CCT3: variants seen among roughly 807,000 people sequenced by gnomAD.
CCT3 encodes T-complex protein 1 subunit gamma.
Under a neutral mutation model 65.3 loss-of-function variants are expected in CCT3, and 10 were observed. The observed-to-expected ratio is 0.15, with a 90% confidence interval of 0.09 to 0.26. The LOEUF is 0.26. CCT3 is among the 10% of genes least tolerant of loss of function. CCT3 has a pLI of 1.00. For synonymous variants in CCT3, 225 were observed against 242.3 expected, an observed-to-expected ratio of 0.93 and a Z score of 0.66; for missense variants, 626 against 708.7, an observed-to-expected ratio of 0.88 and a Z score of 1.33.
chr1:156,338,069 G>T (rs1237398559), intron 1 of CCT3, 85 bp downstream of exon 1: 3 of 1,455,100 alleles, frequency 2.1e-6, no homozygotes, highest in South Asian at 1.2e-5. Context: ...CCCGGTCAGT[G>T]GGGGACGGAG....
intron 1 of CCT3, among the ~76,000 whole-genome samples, 183 bp downstream of exon 1, chr1:156,337,967 AGTTT>A (rs1170630640): frequency 2.0e-5 from 3 of 152,286 alleles, no homozygotes; most frequent in Middle Eastern, 3.4e-3. Context: ...GGCCAGTTTG[AGTTT>A]GTGCAGAGAA....
chr1:156,328,876 AAT>A (rs1045040711), intron 5 of CCT3, among the ~76,000 whole-genome samples: 15 of 151,594 alleles, frequency 9.9e-5, no homozygotes, highest in African/African-American at 3.7e-4. Flanking sequence ...AAAAAAAAAA[AAT>A]GTACATGTTA....
intron 4 of CCT3, among the ~76,000 whole-genome samples, chr1:156,334,239 CAAAAAA>C (rs34500374): frequency 8.4e-6 from 1 of 118,432 alleles, no homozygotes; most frequent in African/African-American, 3.0e-5. Context: ...GACTCCGTCT[CAAAAAA>C]AAAAAAAAAA....
Position 156,335,228 on chromosome 1 carries a change from G to C in CCT3, c.94-310C>G, listed in dbSNP as rs73008697. 2,095 of 292,486 alleles carry C rather than the reference G, an allele frequency of 7.2e-3. 40 individuals carry two copies. Among genetic ancestry groups the C allele is most frequent in the African/African-American group, 0.044 (1,997 of 45,674 alleles). 18.1% of individuals were successfully genotyped at this position (292,486 alleles called of 1,614,324 possible). On this transcript the variant is annotated intron_variant, in intron 2 of 13. Coordinates refer to ENST00000295688, the MANE Select transcript of CCT3 (RefSeq NM_005998.5). Reference sequence around the variant, plus strand: ...ATGGTTAGCCATCACTTTAGACATAGCATGCCACTTTAGATATAGGATGTG... The same window carrying C: ...ATGGTTAGCCATCACTTTAGACATACCATGCCACTTTAGATATAGGATGTG...
chr1:156,317,362 C>T, intron 9 of CCT3, 53 bp downstream of exon 9: 3 of 1,600,096 alleles, frequency 1.9e-6, no homozygotes, highest in Non-Finnish European at 2.6e-6. Flanking sequence ...GAAAACAAAT[C>T]ACCCACCCTC....
chr1:156,321,329 A>T (rs1664544917), intron 6 of CCT3, among the ~76,000 whole-genome samples: 1 of 152,174 alleles, frequency 6.6e-6, no homozygotes, highest in East Asian at 1.9e-4. Context: ...AAACTTTTCA[A>T]CTTTTACAAC....
rs766917682 is a variant in CCT3, at chr1:156,317,367, A to G, written c.892+48T>C. 1.9e-6 allele frequency: 3 copies of G among 1,599,606 alleles called. No homozygotes were observed. In the African/African-American group the frequency reaches 4.0e-5, roughly 21 times the overall value. On this transcript the variant is annotated intron_variant, in intron 9 of 13. Transcript: ENST00000295688. The stretch of plus-strand genomic sequence containing the variant: ...CATGAGGGGAGAAAACAAATCACCC[A>G]CCCTCGTCTACCTCAAAGGTAGGCT...
chr1:156,325,264 G>GA (rs1664750221), intron 5 of CCT3, among the ~76,000 whole-genome samples, 175 bp from the exon 6 acceptor site: 1 of 152,136 alleles, frequency 6.6e-6, no homozygotes, highest in Non-Finnish European at 1.5e-5. Flanking sequence ...AATTTATACA[G>GA]AAAACATCCT....
chr1:156,329,125 T>C (rs1248534174), intron 5 of CCT3, among the ~76,000 whole-genome samples: 1 of 152,188 alleles, frequency 6.6e-6, no homozygotes, highest in Non-Finnish European at 1.5e-5. Flanking sequence ...CACTGTATTA[T>C]AACTGTATTC....
intron 7 of CCT3, among the ~76,000 whole-genome samples, chr1:156,319,663 G>T (rs1664467401): frequency 6.6e-6 from 1 of 152,036 alleles, no homozygotes; most frequent in Non-Finnish European, 1.5e-5. Context: ...CTTGAGGCCG[G>T]GAGTTCGAGA....
chr1:156,314,122 G>A (rs1161518858), intron 10 of CCT3, among the ~76,000 whole-genome samples: 1 of 147,272 alleles, frequency 6.8e-6, no homozygotes, highest in Non-Finnish European at 1.5e-5. Context: ...TTATGAAAGA[G>A]AACCCCAACA....
chr1:156,326,304 G>A (rs1664804722), intron 5 of CCT3, among the ~76,000 whole-genome samples: 1 of 151,654 alleles, frequency 6.6e-6, no homozygotes, highest in Admixed American at 6.6e-5. Context: ...ACTCCAGCCT[G>A]GGCAATAGAG....
chr1:156,325,114 T>G, intron 5 of CCT3, 25 bp from the exon 6 acceptor site: 7 of 1,507,268 alleles, frequency 4.6e-6, no homozygotes, highest in Non-Finnish European at 6.4e-6. Context: ...AGCACCATAG[T>G]AATATTTAAA....
chr1:156,316,272 A>G (rs1334123631), intron 10 of CCT3, among the ~76,000 whole-genome samples: 3 of 152,222 alleles, frequency 2.0e-5, no homozygotes, highest in Non-Finnish European at 4.4e-5. Context: ...TATAGGTTAT[A>G]CACAAATACC....
In CCT3 at chr1:156,318,948, G is replaced by C. The variant is rs1664427382; in HGVS notation, c.679C>G (p.Pro227Ala). The C allele has an allele frequency of 1.2e-6, 2 of 1,613,926 alleles. No homozygotes were observed. The highest frequency in any genetic ancestry group is 8.5e-7 in the Non-Finnish European group (1 of 1,179,974). ...GVMINKDVTH[P>A]RMRRYIKNPR... is the part of the protein sequence containing the mutation. ...TTCTTGATATAGCGCCGCATACGTG[G>C]ATGGGTCACATCCTTGTTAATCATG... Residue 227 changes from proline (P) to alanine (A), a missense_variant, in exon 8 of 14, where the codon CCA (proline) becomes GCA (alanine). By Grantham distance (27) the Pro-to-Ala change is conservative (BLOSUM62 -1). Coordinates refer to ENST00000295688, the MANE Select transcript of CCT3 (RefSeq NM_005998.5).
At position 156,321,027 on chromosome 1, in the gene CCT3, TAGAGA is replaced by T. The variant is rs1425882981; in HGVS notation, c.423-7_423-3del. On this transcript the variant is annotated splice_polypyrimidine_tract_variant and splice_region_variant and intron_variant, in intron 6 of 13. Transcript: ENST00000295688. Reference sequence around the variant, plus strand: ...CTGTCACTGATGTCGACTGGGATACTAGAGAAAAGAAAACCAGACGATATGTGAAG... The same window carrying T: ...CTGTCACTGATGTCGACTGGGATACTAAAGAAAACCAGACGATATGTGAAG... 1.9e-6 allele frequency: 3 copies of T among 1,610,806 alleles called. No homozygotes were observed. In the Admixed American group the frequency reaches 5.0e-5, roughly 27 times the overall value.
At chr1:156,324,700 T>C (rs1664726599) in intron 6 of CCT3, among the ~76,000 whole-genome samples, 1 of 152,136 alleles carries the variant, frequency 6.6e-6, no homozygotes, top group African/African-American at 2.4e-5. Flanking sequence ...CCATCTCAGC[T>C]CACTGCAACC....
chr1:156,310,505 G>C, intron 13 of CCT3, 53 bp downstream of exon 13: 9 of 1,335,642 alleles, frequency 6.7e-6, no homozygotes, highest in Non-Finnish European at 9.0e-6. Context: ...TAAATAAATA[G>C]ATAAATAAAT....
intron 5 of CCT3, among the ~76,000 whole-genome samples, chr1:156,328,597 C>A (rs929182084): frequency 7.6e-4 from 116 of 151,894 alleles, no homozygotes; most frequent in African/African-American, 2.6e-3. Flanking sequence ...TGTGTCCACT[C>A]AGGGTTAAAT....
Sources: allele counts gnomAD v4.1 joint callset (sites outside exome capture counted in the v4.1 genomes callset), GRCh38; gene constraint gnomAD v4.1.1; transcripts MANE v1.5; gene names NCBI Gene and HGNC (gene_info 2026-07-23, HGNC 2026-07-21).